Variants in SP3 observed in about 807,000 individuals in gnomAD.
SP3 encodes the protein transcription factor Sp3.
A neutral mutation model predicts 70.3 loss-of-function variants in SP3; 10 were observed. That is an observed-to-expected ratio of 0.14 (90% CI 0.09 to 0.24). SP3 has a LOEUF of 0.24. SP3 is among the 10% of genes least tolerant of loss of function. SP3 has a pLI of 1.00. For synonymous variants in SP3, 402 were observed against 333.5 expected, an observed-to-expected ratio of 1.21 and a Z score of -2.24; for missense variants, 825 against 914.6, an observed-to-expected ratio of 0.90 and a Z score of 1.26.
chr2:173,926,747 A>ATT (rs1253094198), intron 4 of SP3, among the ~76,000 whole-genome samples: 1 of 152,242 alleles, frequency 6.6e-6, no homozygotes, highest in African/African-American at 2.4e-5. Context: ...TAACTAAGTC[A>ATT]TTCCAATTGC....
rs1393626569 is a variant in SP3, at chr2:173,905,188, A to G, written c.*4753T>C. On this transcript the variant is annotated 3_prime_UTR_variant, in exon 7 of 7. Transcript: ENST00000310015. ...ACTTCTTCTCATTTTGGAAAAATCA[A>G]TGTATGAACCATAGTCAAACAATGA... 2.0e-5 allele frequency among the ~76,000 whole-genome samples: 3 copies of G among 152,240 alleles called. No homozygotes were observed. Among genetic ancestry groups the G allele is most frequent in the Non-Finnish European group, 4.4e-5 (3 of 68,036 alleles).
At chr2:173,935,923 C>T (rs984385084) in intron 4 of SP3, among the ~76,000 whole-genome samples, 5 of 152,200 alleles carry the variant, frequency 3.3e-5, no homozygotes, top group African/African-American at 1.2e-4. Context: ...TTCCTGATAG[C>T]TAATCACCAA....
intron 4 of SP3, among the ~76,000 whole-genome samples, chr2:173,951,470 CAAA>C (rs1311488658): frequency 7.9e-5 from 12 of 151,960 alleles, no homozygotes; most frequent in Admixed American, 2.6e-4. Flanking sequence ...TTCAAAACAA[CAAA>C]AAAAGTTTAA....
At chr2:173,917,501 G>T (rs1170681442) in intron 5 of SP3, among the ~76,000 whole-genome samples, 1 of 151,978 alleles carries the variant, frequency 6.6e-6, no homozygotes. Context: ...CTGGGAATAC[G>T]GTAAACTCTC....
In SP3 at chr2:173,901,724, C is replaced by T. The variant is rs958039333; in HGVS notation, c.*8217G>A. 4.0e-5 allele frequency among the ~76,000 whole-genome samples: 4 copies of T among 100,984 alleles called. No homozygotes were observed. Among genetic ancestry groups the T allele is most frequent in the East Asian group, 3.0e-4 (1 of 3,380 alleles). 66.2% of individuals were successfully genotyped at this position (100,984 alleles called of 152,430 possible). On this transcript the variant is annotated 3_prime_UTR_variant, in exon 7 of 7. Transcript: ENST00000310015. The stretch of plus-strand genomic sequence containing the variant: ...TTTTTTTTTTTTTTTTTTTTTGAGA[C>T]GAAATCTTGCTCTGTCGCCCAGGCT...
Position 173,910,255 on chromosome 2 carries a change from C to A in SP3, c.2032G>T (p.Glu678Ter). 2 of 1,612,750 alleles carry A rather than the reference C, an allele frequency of 1.2e-6. No homozygotes were observed. Among genetic ancestry groups the A allele is most frequent in the South Asian group, 2.2e-5 (2 of 90,788 alleles). The change falls in exon 7 of 7, where the codon GAG (glutamate) becomes TAG (stop). Residue 678 changes from glutamate (E) to a stop codon, truncating the protein, a stop_gained and splice_region_variant. Transcript: ENST00000310015. LOFTEE classifies it high-confidence loss of function. ...CATTCTGGACAAACAAATTTCTTCT[C>A]ACCTGTTAAGAAAAAAATTAAGTTA... ...LQRHRRTHTGEKKFVCPECSK... is the reference protein window; with the variant it reads ...LQRHRRTHTG
At chr2:173,940,203 C>A (rs1280854114) in intron 4 of SP3, among the ~76,000 whole-genome samples, 1 of 152,124 alleles carries the variant, frequency 6.6e-6, no homozygotes. Context: ...TCTAGGACAG[C>A]GGTCCCCAAC....
At chr2:173,943,514 G>A (rs975105344) in intron 4 of SP3, among the ~76,000 whole-genome samples, 10 of 151,950 alleles carry the variant, frequency 6.6e-5, no homozygotes, top group Non-Finnish European at 2.9e-5. Context: ...TCTTTTTTAT[G>A]AGATGGGGGT....
intron 4 of SP3, among the ~76,000 whole-genome samples, chr2:173,930,433 G>C (rs1175188612): frequency 6.6e-6 from 1 of 152,150 alleles, no homozygotes; most frequent in East Asian, 1.9e-4. Flanking sequence ...AGGTGCAGCA[G>C]TAATTGCTTC....
In SP3 at chr2:173,956,105, C is replaced by T; in HGVS notation, c.407G>A (p.Ser136Asn). 1 of 1,614,168 alleles carries T rather than the reference C, an allele frequency of 6.2e-7. No individual in the cohort carries two copies. The highest frequency in any genetic ancestry group is 8.5e-7 in the Non-Finnish European group (1 of 1,180,024). ...LVQIPSAATS[S>N]GQYVLPLQNL... ...CTGAAGGGGAAGAACATACTGCCCA[C>T]TTGAAGTAGCAGCACTTGGAATCTG... Residue 136 changes from serine (S) to asparagine (N), a missense_variant, in exon 4 of 7, where the codon AGT (serine) becomes AAT (asparagine). By Grantham distance (46) the Ser-to-Asn change is conservative. This residue lies in a region of SP3 where 678 missense variants were observed against 651.6 expected (regional missense o/e 1.04). Transcript: ENST00000310015.
intron 4 of SP3, among the ~76,000 whole-genome samples, chr2:173,922,790 T>C (rs1258305970): frequency 6.6e-6 from 1 of 152,118 alleles, no homozygotes; most frequent in Non-Finnish European, 1.5e-5. Context: ...TGACAAGAAC[T>C]GTGAGCACAA....
intron 4 of SP3, among the ~76,000 whole-genome samples, chr2:173,937,569 G>A (rs1485563954): frequency 6.6e-6 from 1 of 151,420 alleles, no homozygotes; most frequent in Admixed American, 6.6e-5. Context: ...TAAATTTCTT[G>A]AAAAAAAATT....
rs572390590 is a variant in SP3, at chr2:173,931,454, C to A, written c.1640-12669G>T. On this transcript the variant is annotated intron_variant, in intron 4 of 6. Coordinates refer to ENST00000310015, the MANE Select transcript of SP3 (RefSeq NM_003111.5). ...CACCTCCCGGGTTCAAGCGATTCTT[C>A]TGCCTCAGCCTCCCGAGTAGCTAGG... 2.0e-5 allele frequency among the ~76,000 whole-genome samples: 3 copies of A among 152,302 alleles called. No homozygotes were observed. In the South Asian group the frequency reaches 6.2e-4, roughly 32 times the overall value.
At chr2:173,954,740 A>G (rs2105497883) in intron 4 of SP3, 133 bp downstream of exon 4, 1 of 833,136 alleles carries the variant, frequency 1.2e-6, no homozygotes, top group East Asian at 2.5e-5. Context: ...ACTTTCATAC[A>G]AACATATTTT....
intron 5 of SP3, 74 bp downstream of exon 5, chr2:173,918,519 T>G (rs77325670): frequency 1.5e-6 from 2 of 1,369,496 alleles, no homozygotes; most frequent in Non-Finnish European, 2.0e-6. Context: ...TTAAATGACA[T>G]AGCATGCAGT....
rs554817212 is a variant in SP3 at position 173,907,637 on chromosome 2, C to T, written c.*2304G>A. On this transcript the variant is annotated 3_prime_UTR_variant, in exon 7 of 7. Transcript: ENST00000310015. ...AACTTACTGTAAAAATCCAGTATTA[C>T]TTAAAACATCTCTACTATCATTCAA... 6.6e-5 allele frequency: 10 copies of T among 152,262 alleles called. No homozygotes were observed. Among genetic ancestry groups the T allele is most frequent in the African/African-American group, 2.4e-4 (10 of 41,582 alleles). The allele number at this position is 152,262 out of a possible 1,614,324, so 9.4% of individuals were successfully genotyped here.
intron 3 of SP3, among the ~76,000 whole-genome samples, chr2:173,961,744 T>C (rs73972420): frequency 0.037 from 5,620 of 152,266 alleles, 368 homozygotes; most frequent in African/African-American, 0.13. Flanking sequence ...TCTAAGCCCA[T>C]GAACTCATGT....
At chr2:173,938,459 C>CAAAAAAAAAAAAA (rs747595137) in intron 4 of SP3, among the ~76,000 whole-genome samples, 3 of 46,368 alleles carry the variant, frequency 6.5e-5, no homozygotes, top group Non-Finnish European at 8.3e-5. Context: ...AACTTTGCCT[C>CAAAAAAAAAAAAA]AAAAAAAAAA....
At chr2:173,942,201 G>A (rs942774847) in intron 4 of SP3, among the ~76,000 whole-genome samples, 1 of 152,216 alleles carries the variant, frequency 6.6e-6, no homozygotes, top group Non-Finnish European at 1.5e-5. Flanking sequence ...AGAATTGGGA[G>A]GAGGATGAAC....
Sources: allele counts gnomAD v4.1 joint callset (sites outside exome capture counted in the v4.1 genomes callset), GRCh38; gene constraint gnomAD v4.1.1; regional missense constraint gnomAD v4.1.1; transcripts MANE v1.5; gene names NCBI Gene and HGNC (gene_info 2026-07-23, HGNC 2026-07-21).